ATP6V0D1: variants seen among roughly 807,000 people sequenced by gnomAD.
ATP6V0D1 encodes V-type proton ATPase subunit d 1.
In ATP6V0D1, 13 loss-of-function variants were observed where a neutral mutation model predicts 39.0. The observed-to-expected ratio is 0.33, with a 90% CI of 0.22 to 0.53. ATP6V0D1 has a LOEUF of 0.53. Among genes scored for constraint, ATP6V0D1 ranks in the 20% least tolerant of loss-of-function variants. ATP6V0D1 has a pLI of 0.94. For missense variants in ATP6V0D1, 272 were observed against 470.9 expected (o/e 0.58, Z 3.91); for synonymous variants, 191 against 191.2 (o/e 1.00, Z 0.01).
chr16:67,479,590 T>C (rs2041446750), intron 1 of ATP6V0D1, among the ~76,000 whole-genome samples: 1 of 152,240 alleles, frequency 6.6e-6, no homozygotes, highest in African/African-American at 2.4e-5. Context: ...TTTAAAGGTA[T>C]TTATTTTCAC....
In ATP6V0D1 at chr16:67,447,337, T is replaced by A. The variant is rs114235812; in HGVS notation, c.303-2631A>T. The stretch of plus-strand genomic sequence containing the variant: ...GGGCAGAATCCTCTTTTTCAGGAGA[T>A]GAGAGGCTGGACAGGCCTGGCAGAG... On this transcript the variant is annotated intron_variant, in intron 2 of 7. Coordinates refer to ENST00000290949, the MANE Select transcript of ATP6V0D1 (RefSeq NM_004691.5). This position sits in a 1 kb window ranked among gnomAD's most constrained non-coding sequence, Gnocchi z 4.1. Among the ~76,000 whole-genome samples the A allele has an allele frequency of 6.6e-6, 1 of 152,214 alleles. No individual in the cohort carries two copies. The highest frequency in any genetic ancestry group is 1.5e-5 in the Non-Finnish European group (1 of 68,028).
Position 67,438,549 on chromosome 16 carries a change from GT to G in ATP6V0D1, c.1034del (p.Asp345AlafsTer100). 1 of 1,614,242 alleles carries G rather than the reference GT, an allele frequency of 6.2e-7. No homozygotes were observed. Among genetic ancestry groups the G allele is most frequent in the Non-Finnish European group, 8.5e-7 (1 of 1,180,048 alleles). ...GACGCTAGAAGATAGGGATGTAGTTGTCGATTTTGGCGCGGTGGCGCTGGGC... is the reference window on the plus strand; with the variant it reads ...GACGCTAGAAGATAGGGATGTAGTTGCGATTTTGGCGCGGTGGCGCTGGGC... ...CIAQRHRAKI[D>X]NYIPIF On this transcript the variant is annotated frameshift_variant, in exon 8 of 8. Coordinates refer to ENST00000290949, the MANE Select transcript of ATP6V0D1 (RefSeq NM_004691.5). LOFTEE classifies it high-confidence loss of function.
chr16:67,467,420 G>A (rs1415428130), intron 1 of ATP6V0D1, among the ~76,000 whole-genome samples: 2 of 151,960 alleles, frequency 1.3e-5, no homozygotes, highest in African/African-American at 4.8e-5. Flanking sequence ...CAGGAGAATC[G>A]CTTGAACCCA....
At chr16:67,464,228 C>T (rs971162009) in intron 1 of ATP6V0D1, among the ~76,000 whole-genome samples, 2 of 152,128 alleles carry the variant, frequency 1.3e-5, no homozygotes, top group Admixed American at 6.5e-5. Flanking sequence ...AAACAGGGTC[C>T]TTTTTGCATG....
rs2041015004 is a variant in ATP6V0D1 at position 67,439,117 on chromosome 16, T to C, written c.670A>G (p.Thr224Ala). Residue 224 changes from threonine to alanine, a missense_variant, in exon 6 of 8, where the codon ACC becomes GCC. Around this residue, in one of 4 missense-constraint regions of ATP6V0D1, gnomAD observed 135 missense variants for 273.8 expected, o/e 0.49. Coordinates refer to ENST00000290949, the MANE Select transcript of ATP6V0D1 (RefSeq NM_004691.5). ...FEADRRAFII[T>A]INSFGTELSK... is the part of the protein sequence containing the mutation. Reference sequence around the variant, plus strand: ...AGCTCTGTGCCGAAAGAATTGATGGTGATGATGAAGGCGCGGCGGTCTGCT... The same window carrying C: ...AGCTCTGTGCCGAAAGAATTGATGGCGATGATGAAGGCGCGGCGGTCTGCT... The C allele has an allele frequency of 6.2e-7, 1 of 1,614,056 alleles. No homozygotes were observed. The highest frequency in any genetic ancestry group is 8.5e-7 in the Non-Finnish European group (1 of 1,179,970).
At chr16:67,473,834 T>C (rs948002423) in intron 1 of ATP6V0D1, among the ~76,000 whole-genome samples, 1 of 152,164 alleles carries the variant, frequency 6.6e-6, no homozygotes, top group Non-Finnish European at 1.5e-5. Flanking sequence ...ATTTTTTGTA[T>C]TTTTAGTAGA....
At chr16:67,449,001 T>C (rs1206136324) in intron 2 of ATP6V0D1, among the ~76,000 whole-genome samples, 2 of 152,230 alleles carry the variant, frequency 1.3e-5, no homozygotes, top group East Asian at 1.9e-4. Context: ...AGGAACCTGA[T>C]GTCCCTCTGT....
intron 2 of ATP6V0D1, among the ~76,000 whole-genome samples, chr16:67,448,758 A>G (rs1452268640): frequency 1.3e-5 from 2 of 151,620 alleles, no homozygotes; most frequent in Non-Finnish European, 2.9e-5. Context: ...CCCAAGGCCC[A>G]GTTGGGTCCT....
intron 1 of ATP6V0D1, among the ~76,000 whole-genome samples, chr16:67,476,014 G>A (rs1460914804): frequency 1.3e-5 from 2 of 152,146 alleles, no homozygotes; most frequent in Admixed American, 1.3e-4. Context: ...TGGATCACCT[G>A]AGGTCAGGAG....
intron 1 of ATP6V0D1, among the ~76,000 whole-genome samples, chr16:67,458,515 G>C (rs940255106): frequency 6.6e-6 from 1 of 152,172 alleles, no homozygotes; most frequent in African/African-American, 2.4e-5. Flanking sequence ...GCCCAGCCAA[G>C]GCATGAGCAA....
intron 3 of ATP6V0D1, chr16:67,443,450 AC>A (rs2041078046): frequency 2.4e-6 from 1 of 419,170 alleles, no homozygotes. Context: ...GCTGGGGCAG[AC>A]CCAAGCTCAG....
intron 1 of ATP6V0D1, chr16:67,459,215 A>G (rs1391717853): frequency 7.1e-6 from 7 of 985,378 alleles, no homozygotes; most frequent in Non-Finnish European, 8.4e-6. Context: ...AAGCCCTTGA[A>G]GTGCAGGAAA....
At chr16:67,463,067 G>A (rs1339085485) in intron 1 of ATP6V0D1, among the ~76,000 whole-genome samples, 4 of 152,210 alleles carry the variant, frequency 2.6e-5, no homozygotes, top group Non-Finnish European at 5.9e-5. Context: ...ATCCTGGCAG[G>A]AGCATCCTGC....
At chr16:67,471,354 A>T (rs2041371312) in intron 1 of ATP6V0D1, among the ~76,000 whole-genome samples, 1 of 151,864 alleles carries the variant, frequency 6.6e-6, no homozygotes, top group Admixed American at 6.6e-5. Flanking sequence ...ACGCCCGGCT[A>T]ATTTTTGTAT....
intron 3 of ATP6V0D1, 67 bp from the exon 4 acceptor site, chr16:67,443,245 C>T (rs2041074904): frequency 6.6e-7 from 1 of 1,526,222 alleles, no homozygotes; most frequent in Non-Finnish European, 9.1e-7. Context: ...GTTCAAATGC[C>T]CTACACGGCA....
chr16:67,462,871 G>A (rs1354455231), intron 1 of ATP6V0D1, among the ~76,000 whole-genome samples: 4 of 151,788 alleles, frequency 2.6e-5, no homozygotes, highest in Non-Finnish European at 5.9e-5. Flanking sequence ...TCTAGCTTCT[G>A]GGTCTGCTGG....
chr16:67,471,350 G>A (rs928337071), intron 1 of ATP6V0D1, among the ~76,000 whole-genome samples: 2 of 152,034 alleles, frequency 1.3e-5, no homozygotes, highest in East Asian at 1.9e-4. Context: ...CACCACGCCC[G>A]GCTAATTTTT....
intron 1 of ATP6V0D1, among the ~76,000 whole-genome samples, chr16:67,470,092 C>T (rs1005127722): frequency 3.3e-5 from 5 of 152,184 alleles, no homozygotes; most frequent in Non-Finnish European, 4.4e-5. Context: ...CTTAACCAGA[C>T]CATAACCAAA....
rs370811100 is a variant in ATP6V0D1 at position 67,459,401 on chromosome 16, G to A, written c.131-5686C>T. ...AGGGGCAGCTGAGGTCTTTGAAGAG[G>A]CCTGGGAAGGCTGCAGCCCAAGACC... On this transcript the variant is annotated intron_variant, in intron 1 of 7. Coordinates refer to ENST00000290949, the MANE Select transcript of ATP6V0D1 (RefSeq NM_004691.5). Among the ~76,000 whole-genome samples the A allele has an allele frequency of 2.5e-3, 377 of 152,308 alleles. 4 individuals carry two copies. Among genetic ancestry groups the A allele is most frequent in the African/African-American group, 8.9e-3 (370 of 41,566 alleles).
Sources: gnomAD v4.1 joint callset for allele counts (sites outside exome capture counted in the v4.1 genomes callset) on GRCh38, gnomAD v4.1.1 for gene constraint, gnomAD v4.1.1 regional missense constraint, Gnocchi (gnomAD v3.1) non-coding constraint, MANE v1.5 for transcripts, NCBI Gene and HGNC (gene_info 2026-07-23, HGNC 2026-07-21) for gene names.